The following PTPRD variants were observed in gnomAD, a reference collection of about 807,000 sequenced individuals.
PTPRD encodes protein tyrosine phosphatase receptor type D.
PTPRD carries 34 observed loss-of-function variants against 214.5 expected under a neutral mutation model. The ratio of observed to expected loss-of-function variants is 0.16; its 90% CI spans 0.12 to 0.21. PTPRD has a LOEUF of 0.21. Among genes scored for constraint, PTPRD ranks in the 10% least tolerant of loss-of-function variants. The pLI is 1.00. For synonymous variants in PTPRD, 1,128 were observed against 845.7 expected (o/e 1.33, Z -5.79); for missense variants, 2,545 against 2,398.7 (o/e 1.06, Z -1.27).
chr9:10,250,624 G>C (rs924560124), intron 3 of PTPRD, among the ~76,000 whole-genome samples: 5 of 151,870 alleles, frequency 3.3e-5, no homozygotes, highest in Non-Finnish European at 5.9e-5. Context: ...AAATATTTTA[G>C]TTACACAGGA....
At chr9:9,554,487 G>C (rs1307425902) in intron 8 of PTPRD, among the ~76,000 whole-genome samples, 1 of 151,808 alleles carries the variant, frequency 6.6e-6, no homozygotes, top group Non-Finnish European at 1.5e-5. Context: ...TGGTTCGGGG[G>C]AGTGGGGGTC....
chr9:9,791,996 G>A (rs938220888), intron 5 of PTPRD, among the ~76,000 whole-genome samples: 1 of 151,966 alleles, frequency 6.6e-6, no homozygotes, highest in Non-Finnish European at 1.5e-5. Flanking sequence ...CTGTTGTCCT[G>A]AAGTCCTAAA....
chr9:10,294,856 C>T (rs1157360516), intron 3 of PTPRD, among the ~76,000 whole-genome samples: 1 of 151,938 alleles, frequency 6.6e-6, no homozygotes, highest in Non-Finnish European at 1.5e-5. Flanking sequence ...TTTACTGATA[C>T]TAAATGGAGT....
At chr9:9,555,779 T>C (rs2081371229) in intron 8 of PTPRD, among the ~76,000 whole-genome samples, 2 of 152,158 alleles carry the variant, frequency 1.3e-5, no homozygotes, top group South Asian at 4.1e-4. Context: ...TTATATTATA[T>C]GAGAAAATTA....
At chr9:10,532,821 TGTG>T (rs1419613698) in intron 2 of PTPRD, among the ~76,000 whole-genome samples, 1 of 151,920 alleles carries the variant, frequency 6.6e-6, no homozygotes, top group East Asian at 1.9e-4. Flanking sequence ...TCTCTTAGGT[TGTG>T]GTTTTCATGT....
At chr9:10,521,412 A>T (rs2052230480) in intron 2 of PTPRD, among the ~76,000 whole-genome samples, 1 of 152,184 alleles carries the variant, frequency 6.6e-6, no homozygotes, top group African/African-American at 2.4e-5. Flanking sequence ...TTGAGGTGGG[A>T]TCTACTCCTG....
intron 9 of PTPRD, among the ~76,000 whole-genome samples, chr9:9,292,088 T>C (rs1951342940): frequency 6.6e-6 from 1 of 151,378 alleles, no homozygotes; most frequent in African/African-American, 2.4e-5. Context: ...AGCTTTGTAT[T>C]ATCTATGAGA....
chr9:10,152,879 TG>T (rs1324383848), intron 3 of PTPRD, among the ~76,000 whole-genome samples: 1 of 151,848 alleles, frequency 6.6e-6, no homozygotes, highest in African/African-American at 2.4e-5. Context: ...TGGATGAAGC[TG>T]GAGAACATTT....
At chr9:9,783,975 G>A (rs1259836144) in intron 5 of PTPRD, among the ~76,000 whole-genome samples, 1 of 151,806 alleles carries the variant, frequency 6.6e-6, no homozygotes, top group Non-Finnish European at 1.5e-5. Flanking sequence ...TTTAAATAGT[G>A]GGGAAAAAAT....
At chr9:10,278,041 T>A (rs1225399639) in intron 3 of PTPRD, among the ~76,000 whole-genome samples, 1 of 151,948 alleles carries the variant, frequency 6.6e-6, no homozygotes, top group African/African-American at 2.4e-5. Context: ...ACGCCTGTAG[T>A]CCCAGCTACT....
At chr9:10,193,660 C>A (rs1045059642) in intron 3 of PTPRD, among the ~76,000 whole-genome samples, 10 of 152,118 alleles carry the variant, frequency 6.6e-5, no homozygotes, top group African/African-American at 2.4e-4. Flanking sequence ...TAACCTGTTA[C>A]AGAATTTCTT....
intron 7 of PTPRD, among the ~76,000 whole-genome samples, chr9:9,689,663 C>G (rs550418013): frequency 1.3e-5 from 2 of 151,992 alleles, no homozygotes; most frequent in South Asian, 4.1e-4. Context: ...TTCATGGCCT[C>G]TGCTAACCAG....
intron 11 of PTPRD, among the ~76,000 whole-genome samples, chr9:8,840,491 G>C (rs766789527): frequency 5.3e-5 from 8 of 152,152 alleles, no homozygotes; most frequent in Non-Finnish European, 1.2e-4. Flanking sequence ...AAATTACCCA[G>C]TTTGGGGTAT....
At chr9:9,627,433 G>C (rs1475523569) in intron 7 of PTPRD, among the ~76,000 whole-genome samples, 1 of 152,190 alleles carries the variant, frequency 6.6e-6, no homozygotes, top group Non-Finnish European at 1.5e-5. Context: ...TCTGATGAGA[G>C]AGCTAGAGAT....
At chr9:9,419,927 A>G (rs2078169620) in intron 8 of PTPRD, among the ~76,000 whole-genome samples, 1 of 151,708 alleles carries the variant, frequency 6.6e-6, no homozygotes, top group South Asian at 2.1e-4. Context: ...TAACATCAAA[A>G]TACTTTTAAT....
In PTPRD at chr9:9,842,431, T is replaced by C. The variant is rs368109377; in HGVS notation, c.-367-75580A>G. Among the ~76,000 whole-genome samples, 47 of 150,786 alleles carry C rather than the reference T, an allele frequency of 3.1e-4. 1 individual carries two copies. Among genetic ancestry groups the C allele is most frequent in the African/African-American group, 9.7e-4 (40 of 41,098 alleles). Reference sequence around the variant, plus strand: ...AAAAGTGGGATTAAATCCATGATAATATTGATAGCTATTAACCAAAGCTAT... The same window carrying C: ...AAAAGTGGGATTAAATCCATGATAACATTGATAGCTATTAACCAAAGCTAT... On this transcript the variant is annotated intron_variant, in intron 5 of 45. Coordinates refer to ENST00000381196, the MANE Select transcript of PTPRD (RefSeq NM_002839.4).
intron 5 of PTPRD, chr9:9,803,926 A>G (rs909465184): frequency 2.6e-5 from 4 of 152,034 alleles, no homozygotes; most frequent in Admixed American, 6.6e-5. Flanking sequence ...TTAGTGTTTC[A>G]CTATCTCACT....
At chr9:8,601,085 G>A (rs1326087514) in intron 14 of PTPRD, among the ~76,000 whole-genome samples, 1 of 152,118 alleles carries the variant, frequency 6.6e-6, no homozygotes, top group Non-Finnish European at 1.5e-5. Flanking sequence ...TAGGCCTTAA[G>A]TGAACACTGG....
Position 9,569,091 on chromosome 9 carries a change from G to C in PTPRD, c.-237+5641C>G, listed in dbSNP as rs562004576. ...TAATGGCCATTATACAGAGTTTAAA[G>C]TCAATTCATTTTCTTAATTCTTACT... On this transcript the variant is annotated intron_variant, in intron 8 of 45. Transcript: ENST00000381196. 2.0e-5 allele frequency among the ~76,000 whole-genome samples: 3 copies of C among 151,856 alleles called. No individual in the cohort carries two copies. The East Asian group carries it at 5.8e-4, about 29-fold the overall frequency.
Sources: gnomAD v4.1 joint callset for allele counts (sites outside exome capture counted in the v4.1 genomes callset) on GRCh38, gnomAD v4.1.1 for gene constraint, MANE v1.5 for transcripts, NCBI Gene and HGNC (gene_info 2026-07-23, HGNC 2026-07-21) for gene names.